The following PACRG variants were observed in gnomAD, a reference collection of about 807,000 sequenced individuals.
PACRG encodes the protein parkin coregulated.
Under a neutral mutation model 29.7 loss-of-function variants are expected in PACRG, and 29 were observed. The ratio of observed to expected loss-of-function variants is 0.98; its 90% CI spans 0.73 to 1.33. The LOEUF is 1.33. Ranked by LOEUF, PACRG falls within the 40% of genes most tolerant of loss-of-function variation. The pLI is 0.00. For synonymous variants in PACRG, 116 were observed against 118.7 expected, an observed-to-expected ratio of 0.98 and a Z score of 0.15; for missense variants, 279 against 316.2, an observed-to-expected ratio of 0.88 and a Z score of 0.89.
chr6:162,743,539 T>C (rs1347791313), intron 1 of PACRG, among the ~76,000 whole-genome samples: 1 of 152,200 alleles, frequency 6.6e-6, no homozygotes, highest in Non-Finnish European at 1.5e-5. Flanking sequence ...ATTTATGCTT[T>C]GGTTTTCTTT....
At chr6:163,036,089 CAGTCTGCTCAGATCTGCTGA>C (rs1808160664) in intron 2 of PACRG, among the ~76,000 whole-genome samples, 1 of 152,168 alleles carries the variant, frequency 6.6e-6, no homozygotes, top group African/African-American at 2.4e-5. Context: ...TTTGCTAAGT[CAGTCTGCTCAGATCTGCTGA>C]ATTGATCTGC....
intron 4 of PACRG, among the ~76,000 whole-genome samples, chr6:163,172,186 T>C (rs1232468167): frequency 6.6e-6 from 1 of 152,218 alleles, no homozygotes; most frequent in Non-Finnish European, 1.5e-5. Flanking sequence ...ACTTAAAACC[T>C]GCAAATTGCT....
chr6:162,827,159 G>C (rs1788355383), intron 2 of PACRG, among the ~76,000 whole-genome samples: 1 of 152,090 alleles, frequency 6.6e-6, no homozygotes, highest in Non-Finnish European at 1.5e-5. Flanking sequence ...TATGAGAAGT[G>C]CTAGTGTATT....
At chr6:163,178,527 GTTC>G (rs1251947603) in intron 4 of PACRG, among the ~76,000 whole-genome samples, 4 of 152,150 alleles carry the variant, frequency 2.6e-5, no homozygotes, top group African/African-American at 9.7e-5. Flanking sequence ...GAGAAGCCCC[GTTC>G]TTCTCTGACT....
chr6:163,164,166 T>C (rs1778692240), intron 4 of PACRG, among the ~76,000 whole-genome samples: 1 of 152,174 alleles, frequency 6.6e-6, no homozygotes, highest in Admixed American at 6.5e-5. Flanking sequence ...TCAGGAAGGG[T>C]AATTGGGAGG....
chr6:162,758,480 C>T (rs1038168487), intron 1 of PACRG, among the ~76,000 whole-genome samples: 1 of 152,104 alleles, frequency 6.6e-6, no homozygotes, highest in Non-Finnish European at 1.5e-5. Flanking sequence ...CCATCTTCAA[C>T]CAGTTGCCAT....
At chr6:162,917,254 C>T (rs539123028) in intron 2 of PACRG, among the ~76,000 whole-genome samples, 13 of 152,102 alleles carry the variant, frequency 8.5e-5, no homozygotes, top group Non-Finnish European at 1.6e-4. Flanking sequence ...GCAAGTGGAG[C>T]ATTTATCCTG....
At chr6:162,805,284 T>C (rs950422806) in intron 1 of PACRG, among the ~76,000 whole-genome samples, 1 of 152,166 alleles carries the variant, frequency 6.6e-6, no homozygotes, top group Non-Finnish European at 1.5e-5. Context: ...CCAGTGCATA[T>C]AAATTATATT....
At chr6:162,794,675 C>A (rs973887789) in intron 1 of PACRG, among the ~76,000 whole-genome samples, 1 of 152,126 alleles carries the variant, frequency 6.6e-6, no homozygotes, top group Non-Finnish European at 1.5e-5. Context: ...TTGTCCCGCA[C>A]CATATATCGA....
At chr6:162,837,262 A>G (rs1789311817) in intron 2 of PACRG, among the ~76,000 whole-genome samples, 1 of 152,156 alleles carries the variant, frequency 6.6e-6, no homozygotes, top group Non-Finnish European at 1.5e-5. Flanking sequence ...TGAATCAAGT[A>G]TTTTATTAAA....
At chr6:163,289,502 A>C (rs771681914) in intron 4 of PACRG, among the ~76,000 whole-genome samples, 14 of 152,208 alleles carry the variant, frequency 9.2e-5, no homozygotes, top group Non-Finnish European at 1.9e-4. Flanking sequence ...ATTTTTTAAA[A>C]TACTTAAGAT....
chr6:162,865,898 G>A (rs1460014405), intron 2 of PACRG, among the ~76,000 whole-genome samples: 1 of 152,052 alleles, frequency 6.6e-6, no homozygotes, highest in Non-Finnish European at 1.5e-5. Context: ...GCTAGGGTCA[G>A]TAAATAGCTA....
At chr6:162,863,946 CCTT>C (rs1308893408) in intron 2 of PACRG, among the ~76,000 whole-genome samples, 1 of 152,168 alleles carries the variant, frequency 6.6e-6, no homozygotes, top group East Asian at 1.9e-4. Context: ...TGCTTGTTCT[CCTT>C]CTCTTGATTC....
rs919229635 is a variant in PACRG, at chr6:163,173,552, T to C, written c.613+84144T>C. Among the ~76,000 whole-genome samples the C allele has an allele frequency of 5.3e-5, 8 of 152,204 alleles. No individual in the cohort carries two copies. The South Asian group carries it at 1.7e-3, about 31-fold the overall frequency. On this transcript the variant is annotated intron_variant, in intron 4 of 4. Transcript: ENST00000366888. The stretch of plus-strand genomic sequence containing the variant: ...TCTCCTCTAGACCATGGCTTGAGGC[T>C]TTTGAGCCCTGCAGTAAGGTGGGCT...
rs969923607 is a variant in PACRG at position 163,198,563 on chromosome 6, C to T, written c.613+109155C>T. Among the ~76,000 whole-genome samples the T allele has an allele frequency of 2.6e-4, 39 of 152,130 alleles. 1 individual carries two copies. The highest frequency in any genetic ancestry group is 2.4e-3 in the Admixed American group (37 of 15,282). On this transcript the variant is annotated intron_variant, in intron 4 of 4. Coordinates refer to ENST00000366888, the MANE Select transcript of PACRG (RefSeq NM_001080379.2). The stretch of plus-strand genomic sequence containing the variant: ...GGTCACACAGTGAGAACGGGTGGAT[C>T]GGATGGGCACCGAGGTTGTCTGGCA...
chr6:163,258,640 C>T (rs1783206791), intron 4 of PACRG, among the ~76,000 whole-genome samples: 2 of 151,858 alleles, frequency 1.3e-5, no homozygotes, highest in African/African-American at 4.8e-5. Flanking sequence ...GCTTGTAGTC[C>T]CAGCTACTCG....
intron 4 of PACRG, among the ~76,000 whole-genome samples, chr6:163,095,966 G>T (rs572667573): frequency 6.6e-6 from 1 of 152,272 alleles, no homozygotes; most frequent in East Asian, 1.9e-4. Context: ...TAGAGGTTTT[G>T]TGTTCGTTTC....
At chr6:163,094,646 A>G (rs1312280312) in intron 4 of PACRG, among the ~76,000 whole-genome samples, 2 of 152,212 alleles carry the variant, frequency 1.3e-5, no homozygotes, top group Non-Finnish European at 2.9e-5. Flanking sequence ...TGGCACACCT[A>G]GTAGAATCAG....
At chr6:163,065,477 G>A (rs1263174023) in intron 3 of PACRG, among the ~76,000 whole-genome samples, 1 of 152,126 alleles carries the variant, frequency 6.6e-6, no homozygotes, top group Non-Finnish European at 1.5e-5. Context: ...GCGGTCAAGA[G>A]GGCAGAGAGG....
Sources: gnomAD v4.1 joint callset for allele counts (sites outside exome capture counted in the v4.1 genomes callset) on GRCh38, gnomAD v4.1.1 for gene constraint, MANE v1.5 for transcripts, NCBI Gene and HGNC (gene_info 2026-07-23, HGNC 2026-07-21) for gene names.